KCTD3: variants seen among roughly 807,000 people sequenced by gnomAD.
KCTD3 encodes the protein BTB/POZ domain-containing protein KCTD3.
In KCTD3, 41 loss-of-function variants were observed where a neutral mutation model predicts 85.8. The ratio of observed to expected loss-of-function variants is 0.48; its 90% confidence interval spans 0.37 to 0.62. The LOEUF (loss-of-function observed/expected upper bound fraction) is 0.62, where lower values mean the gene tolerates loss of function less well. KCTD3 is among the 20% of genes least tolerant of loss of function. The probability of loss-of-function intolerance (pLI) is 0.00; values close to 1 mark genes in which losing one functional copy is unlikely to be tolerated. For synonymous variants in KCTD3, 338 were observed against 345.4 expected (o/e 0.98, Z 0.24); for missense variants, 724 against 989.9 (o/e 0.73, Z 3.60).
At chr1:215,601,169 T>C (rs1366819479) in intron 10 of KCTD3, among the ~76,000 whole-genome samples, 1 of 152,184 alleles carries the variant, frequency 6.6e-6, no homozygotes, top group Non-Finnish European at 1.5e-5. Flanking sequence ...ATTCCTGACC[T>C]CTGGTGATCT....
intron 2 of KCTD3, 67 bp from the exon 3 acceptor site, chr1:215,574,005 TA>T: frequency 8.3e-7 from 1 of 1,200,412 alleles, no homozygotes; most frequent in Non-Finnish European, 1.2e-6. Flanking sequence ...TAACATTTGG[TA>T]AAGAATTAGC....
At chr1:215,613,877 A>G (rs779207627) in intron 15 of KCTD3, among the ~76,000 whole-genome samples, 1 of 151,834 alleles carries the variant, frequency 6.6e-6, no homozygotes, top group Non-Finnish European at 1.5e-5. Context: ...TTGTACCGGT[A>G]CCATGCTGTT....
chr1:215,613,623 A>G (rs1558245227), intron 15 of KCTD3, among the ~76,000 whole-genome samples: 1 of 152,044 alleles, frequency 6.6e-6, no homozygotes, highest in Non-Finnish European at 1.5e-5. Context: ...TAGGGTTTTT[A>G]CAGTTTTAGG....
chr1:215,620,487 C>G lies in KCTD3; in HGVS notation c.2317C>G (p.Leu773Val). The G allele has an allele frequency of 8.7e-6, 14 of 1,613,696 alleles. No individual in the cohort carries two copies. Among genetic ancestry groups the G allele is most frequent in the Non-Finnish European group, 1.0e-5 (12 of 1,179,608 alleles). The change falls in exon 18 of 18, where the codon CTG (leucine) becomes GTG (valine). Residue 773 changes from leucine to valine, a missense_variant. Physicochemically the swap from Leu to Val is conservative, Grantham distance 32. Around this residue, in one of 6 missense-constraint regions of KCTD3, gnomAD observed 222 missense variants for 217.7 expected, o/e 1.02. Coordinates refer to ENST00000259154, the MANE Select transcript of KCTD3 (RefSeq NM_016121.5). Reference protein sequence around the residue: ...GFLGRKKVPYLASSPSTSDGG... With the variant: ...GFLGRKKVPYVASSPSTSDGG... ...CCTTGGAAGAAAGAAAGTTCCCTAT[C>G]TGGCGTCATCACCAAGTACTTCCGA...
Position 215,620,710 on chromosome 1 carries a change from T to C in KCTD3, c.*92T>C, listed in dbSNP as rs1049405399. On this transcript the variant is annotated 3_prime_UTR_variant, in exon 18 of 18. Transcript: ENST00000259154. Reference sequence around the variant, plus strand: ...TACATTAGTTTTTACACTAAAACTTTACAAGATAAAATTGGACTTCATTTA... The same window carrying C: ...TACATTAGTTTTTACACTAAAACTTCACAAGATAAAATTGGACTTCATTTA... The C allele has an allele frequency of 1.2e-6, 1 of 855,498 alleles. No individual in the cohort carries two copies. The highest frequency in any genetic ancestry group is 1.7e-5 in the African/African-American group (1 of 58,820). 53.0% of individuals were successfully genotyped at this position (855,498 alleles called of 1,614,324 possible).
chr1:215,605,553 T>C (rs949064658), intron 13 of KCTD3, among the ~76,000 whole-genome samples: 1 of 152,146 alleles, frequency 6.6e-6, no homozygotes, highest in Non-Finnish European at 1.5e-5. Flanking sequence ...TCCCAAACTT[T>C]CCTCCACCTG....
At chr1:215,583,788 G>C (rs555248058) in intron 8 of KCTD3, among the ~76,000 whole-genome samples, 2 of 152,246 alleles carry the variant, frequency 1.3e-5, no homozygotes, top group African/African-American at 4.8e-5. Context: ...AGGGTCTTCT[G>C]CATTCAGAGT....
chr1:215,571,969 A>C (rs890569903), intron 1 of KCTD3, among the ~76,000 whole-genome samples: 1 of 152,206 alleles, frequency 6.6e-6, no homozygotes, highest in Admixed American at 6.5e-5. Context: ...GCATGTTTTG[A>C]TAATGATAGA....
intron 7 of KCTD3, among the ~76,000 whole-genome samples, chr1:215,579,501 T>A (rs1342212552): frequency 7.0e-6 from 1 of 142,664 alleles, no homozygotes; most frequent in Non-Finnish European, 1.5e-5. Flanking sequence ...ACAAAACTAT[T>A]TTTTTTTTTT....
At chr1:215,575,057 G>C (rs1659521682) in intron 3 of KCTD3, among the ~76,000 whole-genome samples, 1 of 152,156 alleles carries the variant, frequency 6.6e-6, no homozygotes, top group Non-Finnish European at 1.5e-5. Context: ...TTCAAGACCA[G>C]CATGGCCAAC....
intron 3 of KCTD3, among the ~76,000 whole-genome samples, 198 bp downstream of exon 3, chr1:215,574,316 A>G (rs754121485): frequency 1.4e-4 from 21 of 152,152 alleles, no homozygotes; most frequent in Non-Finnish European, 2.6e-4. Flanking sequence ...ATATATGGCA[A>G]TTTAAGTATT....
intron 9 of KCTD3, among the ~76,000 whole-genome samples, chr1:215,594,605 A>G (rs1034329311): frequency 2.6e-5 from 4 of 152,110 alleles, no homozygotes; most frequent in African/African-American, 9.7e-5. Flanking sequence ...ATACTATTAT[A>G]CCCTGTGCAT....
In KCTD3 at chr1:215,601,958, A is replaced by G; in HGVS notation, c.1021+4A>G. On this transcript the variant is annotated splice_donor_region_variant and intron_variant, in intron 11 of 17. Transcript: ENST00000259154. ...AATGGATCAATATATTACATAGGTAAGTGTTCAGTCACTTAAAATGCTCCT... is the reference window on the plus strand; with the variant it reads ...AATGGATCAATATATTACATAGGTAGGTGTTCAGTCACTTAAAATGCTCCT... 1 of 1,562,086 alleles carries G rather than the reference A, an allele frequency of 6.4e-7. No homozygotes were observed. The highest frequency in any genetic ancestry group is 1.4e-5 in the African/African-American group (1 of 73,990).
intron 9 of KCTD3, 122 bp from the exon 10 acceptor site, chr1:215,595,234 A>G: frequency 1.6e-6 from 1 of 644,028 alleles, no homozygotes; most frequent in East Asian, 2.6e-5. Flanking sequence ...CAACACGTAT[A>G]GCACATAGTT....
At chr1:215,574,389 A>G (rs1659491004) in intron 3 of KCTD3, among the ~76,000 whole-genome samples, 1 of 152,180 alleles carries the variant, frequency 6.6e-6, no homozygotes, top group South Asian at 2.1e-4. Context: ...TTTTTAGATC[A>G]ATAATTGAAA....
At chr1:215,618,378 T>C (rs966607866) in intron 15 of KCTD3, 2 of 164,984 alleles carry the variant, frequency 1.2e-5, no homozygotes, top group African/African-American at 4.8e-5. Flanking sequence ...GCTTCTCAAA[T>C]TCATGTGGAT....
chr1:215,617,110 G>T (rs1322658783), intron 15 of KCTD3, among the ~76,000 whole-genome samples: 1 of 152,244 alleles, frequency 6.6e-6, no homozygotes, highest in Non-Finnish European at 1.5e-5. Context: ...AAACCTGGAG[G>T]TTCTGAAGGG....
At chr1:215,618,080 C>T (rs915886332) in intron 15 of KCTD3, 1 of 465,914 alleles carries the variant, frequency 2.1e-6, no homozygotes, top group Non-Finnish European at 4.5e-6. Flanking sequence ...ATGCTTCTCT[C>T]TTGTCAGTCT....
At chr1:215,608,543 T>C (rs1558243167) in intron 14 of KCTD3, among the ~76,000 whole-genome samples, 1 of 152,078 alleles carries the variant, frequency 6.6e-6, no homozygotes, top group South Asian at 2.1e-4. Flanking sequence ...TAGAAAAACG[T>C]TGGTCCCTAT....
Sources: allele counts gnomAD v4.1 joint callset (sites outside exome capture counted in the v4.1 genomes callset), GRCh38; gene constraint gnomAD v4.1.1; regional missense constraint gnomAD v4.1.1; transcripts MANE v1.5; gene names NCBI Gene and HGNC (gene_info 2026-07-23, HGNC 2026-07-21).